Variants in SHB observed in about 807,000 individuals in gnomAD.
SHB encodes the protein SH2 domain containing adaptor protein B, also known as SH2 domain-containing adapter protein B.
Under a neutral mutation model 52.3 loss-of-function variants are expected in SHB, and 20 were observed. That is an observed-to-expected ratio of 0.38 (90% CI 0.27 to 0.56). SHB has a LOEUF of 0.56. SHB is among the 20% of genes least tolerant of loss of function. The pLI, the probability that SHB is intolerant of heterozygous loss-of-function variation, is 0.71. For missense variants in SHB, 825 were observed against 723.3 expected (o/e 1.14, Z -1.61); for synonymous variants, 397 against 316.5 (o/e 1.25, Z -2.70).
intron 5 of SHB, among the ~76,000 whole-genome samples, chr9:37,938,389 T>G (rs1464798059): frequency 6.6e-6 from 1 of 152,236 alleles, no homozygotes; most frequent in Admixed American, 6.5e-5. Flanking sequence ...TGCAGCACCC[T>G]CTATGCCTTC....
intron 2 of SHB, among the ~76,000 whole-genome samples, chr9:38,008,117 C>A (rs1438776187): frequency 2.0e-5 from 3 of 152,244 alleles, no homozygotes; most frequent in African/African-American, 7.2e-5. Flanking sequence ...GGGCAAGGAC[C>A]CTCAGCCCAC....
At chr9:37,977,955 G>A (rs145959164) in intron 2 of SHB, among the ~76,000 whole-genome samples, 121 of 152,242 alleles carry the variant, frequency 7.9e-4, no homozygotes, top group African/African-American at 2.7e-3. Context: ...ACTTCCCGTC[G>A]GGCCCCTGAT....
chr9:37,928,267 G>C (rs1032301270), intron 5 of SHB, among the ~76,000 whole-genome samples: 1 of 152,204 alleles, frequency 6.6e-6, no homozygotes, highest in Non-Finnish European at 1.5e-5. Flanking sequence ...GAGACAGGTG[G>C]GTACACTGGC....
intron 4 of SHB, among the ~76,000 whole-genome samples, chr9:37,952,178 A>T (rs1331824155): frequency 6.6e-6 from 1 of 152,214 alleles, no homozygotes; most frequent in Non-Finnish European, 1.5e-5. Flanking sequence ...ACAATTCCAG[A>T]TAGTGACAAG....
chr9:38,039,879 C>T (rs1385995866), intron 1 of SHB, among the ~76,000 whole-genome samples: 14 of 152,232 alleles, frequency 9.2e-5, no homozygotes, highest in Non-Finnish European at 2.1e-4. Context: ...GAGAAATGGG[C>T]CTCTCGACAG....
At chr9:38,042,340 C>A (rs1244022355) in intron 1 of SHB, among the ~76,000 whole-genome samples, 3 of 152,224 alleles carry the variant, frequency 2.0e-5, no homozygotes, top group African/African-American at 7.2e-5. Context: ...CTAACCTCAC[C>A]TCCAAACTGC....
chr9:38,035,019 G>A (rs1312851002), intron 1 of SHB, among the ~76,000 whole-genome samples: 3 of 152,114 alleles, frequency 2.0e-5, no homozygotes, highest in African/African-American at 4.8e-5. Context: ...TTTAATTAAG[G>A]AGCGGTCACC....
chr9:38,013,313 C>T (rs146202897), intron 2 of SHB, among the ~76,000 whole-genome samples: 204 of 152,226 alleles, frequency 1.3e-3, no homozygotes, highest in African/African-American at 4.6e-3. Flanking sequence ...TGGGGTGTAC[C>T]CTCATTTAAA....
chr9:38,000,201 C>A (rs1820994764), intron 2 of SHB, among the ~76,000 whole-genome samples: 1 of 152,234 alleles, frequency 6.6e-6, no homozygotes, highest in Admixed American at 6.5e-5. Flanking sequence ...TGCTGGCAGA[C>A]CAGGCCAGGC....
chr9:37,984,136 C>T (rs975347354), intron 2 of SHB, among the ~76,000 whole-genome samples: 1 of 152,166 alleles, frequency 6.6e-6, no homozygotes, highest in African/African-American at 2.4e-5. Context: ...GCACAGAAGG[C>T]GTTTTGTGAA....
chr9:37,950,658 C>T (rs1044565509), intron 4 of SHB, among the ~76,000 whole-genome samples: 1 of 152,156 alleles, frequency 6.6e-6, no homozygotes, highest in African/African-American at 2.4e-5. Flanking sequence ...AATGGTGGCT[C>T]TGCTGCCTGC....
chr9:37,925,697 T>TTTTTTA (rs1227187591), intron 5 of SHB, among the ~76,000 whole-genome samples: 1 of 152,214 alleles, frequency 6.6e-6, no homozygotes, highest in African/African-American at 2.4e-5. Flanking sequence ...TATTTTGCTA[T>TTTTTTA]TTTTTACCCC....
intron 2 of SHB, among the ~76,000 whole-genome samples, chr9:38,014,731 G>A (rs1821188582): frequency 6.6e-6 from 1 of 152,198 alleles, no homozygotes; most frequent in Admixed American, 6.5e-5. Context: ...CCACACTGGT[G>A]GTCAGAGAAT....
chr9:37,957,902 T>C (rs959965429), intron 3 of SHB, among the ~76,000 whole-genome samples: 14 of 152,086 alleles, frequency 9.2e-5, no homozygotes, highest in African/African-American at 3.4e-4. Flanking sequence ...GAAGAACAAG[T>C]TCAAGGGCCC....
chr9:38,050,420 C>A (rs570866864), intron 1 of SHB, among the ~76,000 whole-genome samples: 7 of 152,270 alleles, frequency 4.6e-5, no homozygotes, highest in African/African-American at 1.2e-4. Context: ...ACATTCAAAC[C>A]TACCTTTGAA....
chr9:38,051,358 G>A (rs940769082), intron 1 of SHB, among the ~76,000 whole-genome samples: 5 of 150,570 alleles, frequency 3.3e-5, no homozygotes, highest in African/African-American at 7.4e-5. Flanking sequence ...CAGGAGAATC[G>A]CCTGAACCAG....
chr9:37,999,150 A>G (rs1820983216), intron 2 of SHB, among the ~76,000 whole-genome samples: 1 of 152,188 alleles, frequency 6.6e-6, no homozygotes, highest in Non-Finnish European at 1.5e-5. Context: ...GAAGGCCTGG[A>G]AAGTCTGGGC....
intron 2 of SHB, among the ~76,000 whole-genome samples, chr9:38,011,357 G>C (rs937706702): frequency 1.3e-5 from 2 of 152,186 alleles, no homozygotes; most frequent in Admixed American, 6.5e-5. Flanking sequence ...GCAGGGCATA[G>C]AAAAGGCCAA....
Position 38,069,183 on chromosome 9 carries a change from G to T in SHB, c.-538C>A, listed in dbSNP as rs1822025798. On this transcript the variant is annotated 5_prime_UTR_variant, in exon 1 of 6. Coordinates refer to ENST00000377707, the MANE Select transcript of SHB (RefSeq NM_003028.3). Reference sequence around the variant, plus strand: ...AGGAAGGCAGCCGGCGCCCGCCGGAGCCCGCGCGCCCGTGCCCGTCCCGGC... The same window carrying T: ...AGGAAGGCAGCCGGCGCCCGCCGGATCCCGCGCGCCCGTGCCCGTCCCGGC... 6.6e-6 allele frequency: 1 copy of T among 151,210 alleles called. No homozygotes were observed. The highest frequency in any genetic ancestry group is 6.6e-5 in the Admixed American group (1 of 15,158). The allele number at this position is 151,210 out of a possible 1,614,324, so 9.4% of individuals were successfully genotyped here. A position where few individuals can be genotyped will look rare whatever the true frequency, so the allele number is the denominator to read the frequency against.
Sources: allele counts gnomAD v4.1 joint callset (sites outside exome capture counted in the v4.1 genomes callset), GRCh38; gene constraint gnomAD v4.1.1; transcripts MANE v1.5; gene names NCBI Gene and HGNC (gene_info 2026-07-23, HGNC 2026-07-21).